SLC41A2: variants seen among roughly 807,000 people sequenced by gnomAD.
The protein encoded by SLC41A2 is solute carrier family 41 member 2.
Under a neutral mutation model 58.3 loss-of-function variants are expected in SLC41A2, and 32 were observed. The ratio of observed to expected loss-of-function variants is 0.55; its 90% CI spans 0.41 to 0.74. The LOEUF (loss-of-function observed/expected upper bound fraction) is 0.74, where lower values mean the gene tolerates loss of function less well. Among genes scored for constraint, SLC41A2 ranks in the 30% least tolerant of loss-of-function variants. SLC41A2 has a pLI of 0.00. For missense variants in SLC41A2, 514 were observed against 680.6 expected (o/e 0.76, Z 2.72); for synonymous variants, 190 against 235.0 (o/e 0.81, Z 1.75).
At chr12:104,889,203 T>C in intron 4 of SLC41A2, 26 bp from the exon 5 acceptor site, 1 of 1,590,678 alleles carries the variant, frequency 6.3e-7, no homozygotes, top group Non-Finnish European at 8.5e-7. Flanking sequence ...TAAATCCAAC[T>C]GAATTATTCA....
At chr12:104,833,267 T>A (rs12579202) in intron 10 of SLC41A2, among the ~76,000 whole-genome samples, 5,915 of 152,290 alleles carry the variant, frequency 0.039, 231 homozygotes, top group East Asian at 0.15. Context: ...CAATCAATGA[T>A]AGTCCTTGTT....
chr12:104,838,530 C>G (rs1159854247), intron 10 of SLC41A2, among the ~76,000 whole-genome samples: 2 of 152,054 alleles, frequency 1.3e-5, no homozygotes, highest in African/African-American at 2.4e-5. Context: ...ACTAACTAGA[C>G]TTTTGTTTTT....
chr12:104,918,364 T>C (rs1037938586), intron 2 of SLC41A2, among the ~76,000 whole-genome samples: 1 of 152,104 alleles, frequency 6.6e-6, no homozygotes, highest in Non-Finnish European at 1.5e-5. Context: ...TCATTGTTCA[T>C]AACAGCCAAA....
Position 104,879,704 on chromosome 12 carries a change from T to A in SLC41A2, c.1027+6589A>T, listed in dbSNP as rs543790476. On this transcript the variant is annotated intron_variant, in intron 6 of 10. Coordinates refer to ENST00000258538, the MANE Select transcript of SLC41A2 (RefSeq NM_001352171.3). ...TGCTGTTTTGGTTACTTTAGCCTTG[T>A]AGTATAGTTTGAAGTCAGGCAGCAT... is the stretch of plus-strand genomic sequence containing the variant. Among the ~76,000 whole-genome samples, 4 of 152,316 alleles carry A rather than the reference T, an allele frequency of 2.6e-5. No individual in the cohort carries two copies. In the East Asian group the frequency reaches 7.7e-4, roughly 29 times the overall value.
intron 1 of SLC41A2, among the ~76,000 whole-genome samples, chr12:104,936,579 G>A (rs1258544424): frequency 1.3e-5 from 2 of 152,194 alleles, no homozygotes; most frequent in African/African-American, 4.8e-5. Flanking sequence ...GAGAGAGCTT[G>A]TGCAGGGCAA....
intron 1 of SLC41A2, among the ~76,000 whole-genome samples, chr12:104,943,330 A>G (rs948832605): frequency 4.6e-5 from 7 of 152,180 alleles, no homozygotes; most frequent in Middle Eastern, 3.4e-3. Flanking sequence ...AGGAGCTTCA[A>G]AACACCAGAC....
At chr12:104,910,456 T>G (rs1029751146) in intron 2 of SLC41A2, among the ~76,000 whole-genome samples, 4 of 152,114 alleles carry the variant, frequency 2.6e-5, no homozygotes, top group Non-Finnish European at 4.4e-5. Context: ...TAAATGAAAA[T>G]AATATCCACC....
At chr12:104,812,293 T>C (rs1282584286) in intron 10 of SLC41A2, among the ~76,000 whole-genome samples, 1 of 152,182 alleles carries the variant, frequency 6.6e-6, no homozygotes, top group Non-Finnish European at 1.5e-5. Context: ...GACAGAGATG[T>C]GATGTGAATG....
At chr12:104,922,476 G>A (rs7975174) in intron 2 of SLC41A2, among the ~76,000 whole-genome samples, 7,783 of 148,874 alleles carry the variant, frequency 0.052, 266 homozygotes, top group East Asian at 0.11. Flanking sequence ...CATAACAATT[G>A]TATATATATA....
intron 6 of SLC41A2, among the ~76,000 whole-genome samples, chr12:104,878,015 T>A (rs899756462): frequency 6.6e-6 from 1 of 151,420 alleles, no homozygotes; most frequent in Middle Eastern, 3.2e-3. Context: ...TCTCAAAAAA[T>A]TAATTAATTA....
At chr12:104,868,133 G>T (rs1203039260) in intron 6 of SLC41A2, among the ~76,000 whole-genome samples, 2 of 151,892 alleles carry the variant, frequency 1.3e-5, no homozygotes, top group Non-Finnish European at 2.9e-5. Flanking sequence ...TTTAAAAGAT[G>T]AAAAAAACCT....
At chr12:104,930,364 G>A in intron 1 of SLC41A2, among the ~76,000 whole-genome samples, 1 of 152,114 alleles carries the variant, frequency 6.6e-6, no homozygotes, top group East Asian at 1.9e-4. Flanking sequence ...AAAGGGCAGA[G>A]AGCCTTCCAG....
chr12:104,908,411 G>A (rs1481054711), intron 3 of SLC41A2, among the ~76,000 whole-genome samples: 2 of 152,222 alleles, frequency 1.3e-5, no homozygotes. Context: ...GGGACAGAGG[G>A]TGGAGAGTCC....
chr12:104,808,140 G>C (rs1452216870), intron 10 of SLC41A2, among the ~76,000 whole-genome samples: 2 of 152,224 alleles, frequency 1.3e-5, no homozygotes, highest in South Asian at 4.1e-4. Context: ...TCCCTGTCTT[G>C]TGCCAGTTTT....
intron 10 of SLC41A2, among the ~76,000 whole-genome samples, chr12:104,808,086 A>G (rs2040999138): frequency 6.6e-6 from 1 of 152,208 alleles, no homozygotes. Context: ...TGCCCTGGCC[A>G]GAACTTCCAA....
chr12:104,884,752 C>T (rs1252712292), intron 6 of SLC41A2, among the ~76,000 whole-genome samples: 4 of 152,180 alleles, frequency 2.6e-5, no homozygotes, highest in Admixed American at 1.3e-4. Context: ...TTTTGAGATA[C>T]AGCCTATTAG....
At chr12:104,849,081 C>T (rs1363167703) in intron 8 of SLC41A2, among the ~76,000 whole-genome samples, 2 of 152,134 alleles carry the variant, frequency 1.3e-5, no homozygotes, top group African/African-American at 4.8e-5. Context: ...TGATTAAAGA[C>T]CTCGTGCAAA....
In SLC41A2 at chr12:104,828,615, G is replaced by T. The variant is rs1170676203; in HGVS notation, c.1536+15857C>A. On this transcript the variant is annotated intron_variant, in intron 10 of 10. Transcript: ENST00000258538. ...CTCCCCTAGAGGTTTGAGCAGTGGT[G>T]TACGGAAGAAGCGAGCCATACCCCC... is the stretch of plus-strand genomic sequence containing the variant. Among the ~76,000 whole-genome samples, 7 of 152,114 alleles carry T rather than the reference G, an allele frequency of 4.6e-5. No individual in the cohort carries two copies. In the East Asian group the frequency reaches 1.2e-3, roughly 25 times the overall value.
intron 6 of SLC41A2, among the ~76,000 whole-genome samples, chr12:104,872,896 T>C (rs2043856824): frequency 6.6e-6 from 1 of 152,158 alleles, no homozygotes; most frequent in South Asian, 2.1e-4. Context: ...GATACATACT[T>C]AAGGTGTACA....
Sources: allele counts gnomAD v4.1 joint callset (sites outside exome capture counted in the v4.1 genomes callset), GRCh38; gene constraint gnomAD v4.1.1; transcripts MANE v1.5; gene names NCBI Gene and HGNC (gene_info 2026-07-23, HGNC 2026-07-21).